The following TAF4 variants were observed in gnomAD, a reference collection of about 807,000 sequenced individuals.
TAF4 encodes transcription initiation factor TFIID subunit 4.
In TAF4, 9 loss-of-function variants were observed where a neutral mutation model predicts 90.3. The observed-to-expected ratio is 0.10, with a 90% CI of 0.06 to 0.17. The LOEUF (loss-of-function observed/expected upper bound fraction) is 0.17, where lower values mean the gene tolerates loss of function less well. TAF4 is among the 10% of genes least tolerant of loss of function. TAF4 has a pLI of 1.00. For missense variants in TAF4, 1,351 were observed against 1,370.7 expected (o/e 0.99, Z 0.23); for synonymous variants, 818 against 638.9 (o/e 1.28, Z -4.23).
intron 14 of TAF4, among the ~76,000 whole-genome samples, chr20:61,992,467 C>T (rs1704166073): frequency 6.6e-6 from 1 of 151,980 alleles, no homozygotes; most frequent in Admixed American, 6.6e-5. Flanking sequence ...TCCAATTCCC[C>T]ACCCCCCAAG....
At chr20:62,035,828 C>A (rs1443757308) in intron 1 of TAF4, among the ~76,000 whole-genome samples, 1 of 151,850 alleles carries the variant, frequency 6.6e-6, no homozygotes, top group Non-Finnish European at 1.5e-5. Context: ...GGAACAGTAA[C>A]CAGAATATGC....
chr20:62,056,628 C>G (rs1278361403), intron 1 of TAF4, among the ~76,000 whole-genome samples: 1 of 151,902 alleles, frequency 6.6e-6, no homozygotes, highest in Admixed American at 6.6e-5. Flanking sequence ...CAGGACAAGG[C>G]AAAGCACAGA....
At chr20:62,022,865 C>CCG (rs922037682) in intron 1 of TAF4, among the ~76,000 whole-genome samples, 3 of 151,862 alleles carry the variant, frequency 2.0e-5, no homozygotes, top group African/African-American at 7.3e-5. Context: ...CTTGCAGCCC[C>CCG]CCCCCCGCAC....
intron 14 of TAF4, chr20:61,978,792 A>G (rs62207097): frequency 6.5e-6 from 1 of 153,702 alleles, no homozygotes; most frequent in Non-Finnish European, 1.5e-5. Context: ...TGAGAAACTG[A>G]TGCCAGGCCC....
In TAF4 at chr20:62,024,828, CCACTG is replaced by C. The variant is rs1441305510; in HGVS notation, c.1361-10126_1361-10122del. Among the ~76,000 whole-genome samples, 21 of 152,080 alleles carry C rather than the reference CCACTG, an allele frequency of 1.4e-4. No homozygotes were observed. In the East Asian group the frequency reaches 4.1e-3, roughly 29 times the overall value. On this transcript the variant is annotated intron_variant, in intron 1 of 14. Transcript: ENST00000252996. ...GAGCTTACAGTGAGCCGAGATCATG[CCACTG>C]CACTCCAGCCCAGGCAACACTGAGA...
intron 14 of TAF4, among the ~76,000 whole-genome samples, chr20:61,978,669 G>A (rs534848604): frequency 5.3e-4 from 80 of 150,650 alleles, no homozygotes; most frequent in Non-Finnish European, 6.7e-4. Context: ...AACCAAGGCC[G>A]GGGGCGAGAC....
At chr20:62,048,467 TGTCCC>T in intron 1 of TAF4, among the ~76,000 whole-genome samples, 1 of 152,200 alleles carries the variant, frequency 6.6e-6, no homozygotes, top group Middle Eastern at 3.4e-3. Context: ...CCCTCCCTCC[TGTCCC>T]CAGGGTGGAC....
chr20:62,053,355 C>T (rs934188071), intron 1 of TAF4, among the ~76,000 whole-genome samples: 1 of 152,324 alleles, frequency 6.6e-6, no homozygotes, highest in Admixed American at 6.5e-5. Context: ...ACCGCCCTCG[C>T]ACTGCCCTGT....
intron 14 of TAF4, among the ~76,000 whole-genome samples, chr20:61,985,284 G>A (rs1273005910): frequency 6.6e-6 from 1 of 151,940 alleles, no homozygotes; most frequent in Non-Finnish European, 1.5e-5. Context: ...CCACACTGAA[G>A]GGTGGGCAGG....
At position 62,019,791 on chromosome 20, in the gene TAF4, T is replaced by C. The variant is rs577329679; in HGVS notation, c.1361-5084A>G. On this transcript the variant is annotated intron_variant, in intron 1 of 14. Transcript: ENST00000252996. ...TTACCCCACACAACAGTTTTCCTGA[T>C]TCCTTTTGTAGGTAACACTTTTACT... Among the ~76,000 whole-genome samples, 19 of 152,364 alleles carry C rather than the reference T, an allele frequency of 1.2e-4. No homozygotes were observed. In the South Asian group the frequency reaches 3.7e-3, roughly 30 times the overall value.
intron 1 of TAF4, among the ~76,000 whole-genome samples, chr20:62,048,702 G>A (rs2056008468): frequency 6.7e-6 from 1 of 150,208 alleles, no homozygotes; most frequent in South Asian, 2.1e-4. Context: ...GCCCACCTCG[G>A]TCCCTGGGCT....
At chr20:62,063,974 G>A (rs538134698) in intron 1 of TAF4, among the ~76,000 whole-genome samples, 53 of 152,344 alleles carry the variant, frequency 3.5e-4, no homozygotes, top group African/African-American at 9.6e-4. Context: ...GGGGCAGAAA[G>A]GCTAAGTGGG....
intron 14 of TAF4, among the ~76,000 whole-genome samples, chr20:61,996,885 C>T (rs1050583241): frequency 6.6e-6 from 1 of 151,480 alleles, no homozygotes; most frequent in Non-Finnish European, 1.5e-5. Context: ...ATCTGCACCA[C>T]AAGAAATCCC....
chr20:62,054,403 G>A (rs1014139777), intron 1 of TAF4, among the ~76,000 whole-genome samples: 1 of 152,186 alleles, frequency 6.6e-6, no homozygotes, highest in African/African-American at 2.4e-5. Context: ...CGGCAGGAAG[G>A]CGAGGACTGC....
At chr20:61,986,062 T>C (rs1425102881) in intron 14 of TAF4, among the ~76,000 whole-genome samples, 2 of 97,290 alleles carry the variant, frequency 2.1e-5, no homozygotes, top group Non-Finnish European at 4.4e-5. Flanking sequence ...GGAAACACCA[T>C]CCCCAATCAA....
intron 1 of TAF4, among the ~76,000 whole-genome samples, chr20:62,053,610 C>T (rs6061992): frequency 0.051 from 7,814 of 152,290 alleles, 555 homozygotes; most frequent in African/African-American, 0.16. Flanking sequence ...AGCAACTCCG[C>T]CAGCAAGCTG....
chr20:62,063,014 C>T (rs1411790197), intron 1 of TAF4, among the ~76,000 whole-genome samples: 1 of 152,202 alleles, frequency 6.6e-6, no homozygotes, highest in Non-Finnish European at 1.5e-5. Context: ...GCCACGTTTC[C>T]TACTAAAAGG....
chr20:62,002,514 A>T (rs1370041426), intron 9 of TAF4, among the ~76,000 whole-genome samples: 1 of 152,166 alleles, frequency 6.6e-6, no homozygotes, highest in Non-Finnish European at 1.5e-5. Flanking sequence ...TTCTAGAAAC[A>T]GGGCCTCACT....
rs150846045 is a variant in TAF4, at chr20:62,014,596, C to T, written c.1472G>A (p.Arg491His). The change falls in exon 2 of 15, where the codon CGC (arginine) becomes CAC (histidine). Residue 491 changes from arginine (R) to histidine (H), a missense_variant. Around this residue, in one of 9 missense-constraint regions of TAF4, gnomAD observed 143 missense variants for 176.3 expected, o/e 0.81. Coordinates refer to ENST00000252996, the MANE Select transcript of TAF4 (RefSeq NM_003185.4). ...AGGGGCACTTGTGGGGGTGGCAGGG[C>T]GAGGCGCCATGGTGGTCTGAGGCTG... ...HAQPQTTMAP[R>H]PATPTSAPPV... 521 of 1,613,816 alleles carry T rather than the reference C, an allele frequency of 3.2e-4. No homozygotes were observed. The highest frequency in any genetic ancestry group is 4.3e-4 in the Non-Finnish European group (508 of 1,179,960).
Sources: gnomAD v4.1 joint callset for allele counts (sites outside exome capture counted in the v4.1 genomes callset) on GRCh38, gnomAD v4.1.1 for gene constraint, gnomAD v4.1.1 regional missense constraint, MANE v1.5 for transcripts, NCBI Gene and HGNC (gene_info 2026-07-23, HGNC 2026-07-21) for gene names.